CTNNA3: variants seen among roughly 807,000 people sequenced by gnomAD.
The protein encoded by CTNNA3 is catenin alpha-3.
In CTNNA3, 76 loss-of-function variants were observed where a neutral mutation model predicts 95.7. The ratio of observed to expected loss-of-function variants is 0.79; its 90% CI spans 0.66 to 0.96. CTNNA3 has a LOEUF of 0.96. Ranked by LOEUF, CTNNA3 falls within the 40% of genes least tolerant of loss-of-function variation. CTNNA3 has a pLI of 0.00. For missense variants in CTNNA3, 1,191 were observed against 1,089.8 expected, an observed-to-expected ratio of 1.09 and a Z score of -1.31; for synonymous variants, 431 against 374.4, an observed-to-expected ratio of 1.15 and a Z score of -1.74.
chr10:66,714,758 C>T lies in CTNNA3; in HGVS notation c.1281+51506G>A, dbSNP rs542953419. Among the ~76,000 whole-genome samples the T allele has an allele frequency of 1.1e-4, 16 of 152,252 alleles. No homozygotes were observed. In the East Asian group the frequency reaches 2.3e-3, roughly 22 times the overall value. ...GCCATCTGTGTTTCAACAAGCCCTCCAAGTGATTATCATGCATTTTAAAAT... is the reference window on the plus strand; with the variant it reads ...GCCATCTGTGTTTCAACAAGCCCTCTAAGTGATTATCATGCATTTTAAAAT... On this transcript the variant is annotated intron_variant, in intron 9 of 17. Transcript: ENST00000433211.
intron 15 of CTNNA3, among the ~76,000 whole-genome samples, chr10:66,053,880 G>C (rs1411881457): frequency 6.6e-6 from 1 of 151,816 alleles, no homozygotes; most frequent in Non-Finnish European, 1.5e-5. Context: ...CCAACTATAT[G>C]TTTGTACCCA....
intron 5 of CTNNA3, among the ~76,000 whole-genome samples, chr10:67,320,375 C>A (rs1354273218): frequency 6.6e-6 from 1 of 152,172 alleles, no homozygotes; most frequent in African/African-American, 2.4e-5. Context: ...TTACTGTTAA[C>A]TGAATCCTGT....
At chr10:66,320,919 C>T (rs1347045692) in intron 12 of CTNNA3, among the ~76,000 whole-genome samples, 6 of 151,898 alleles carry the variant, frequency 4.0e-5, no homozygotes, top group Non-Finnish European at 8.8e-5. Context: ...CAACAGCTTC[C>T]AAAATTTTGG....
At chr10:65,957,200 T>C (rs1230153596) in intron 17 of CTNNA3, among the ~76,000 whole-genome samples, 4 of 152,168 alleles carry the variant, frequency 2.6e-5, no homozygotes, top group Admixed American at 1.3e-4. Context: ...TATCAGAGAC[T>C]AGGATTGCAA....
At position 66,825,498 on chromosome 10, in the gene CTNNA3, G is replaced by A. The variant is rs562731212; in HGVS notation, c.1048-49974C>T. On this transcript the variant is annotated intron_variant, in intron 7 of 17. Transcript: ENST00000433211. The stretch of plus-strand genomic sequence containing the variant: ...GCTTTATGTTGGCCAGGCTGGTCTC[G>A]AACTCCTGACCTCAAGTGATCTACC... Among the ~76,000 whole-genome samples the A allele has an allele frequency of 3.2e-3, 482 of 151,644 alleles. 1 individual carries two copies. The highest frequency in any genetic ancestry group is 0.011 in the African/African-American group (448 of 41,338).
At chr10:67,268,465 G>A (rs1340979062) in intron 5 of CTNNA3, among the ~76,000 whole-genome samples, 1 of 152,038 alleles carries the variant, frequency 6.6e-6, no homozygotes, top group Non-Finnish European at 1.5e-5. Context: ...AGGCTGCAGG[G>A]AGCTATGATC....
chr10:66,104,461 A>G (rs941240824), intron 13 of CTNNA3, among the ~76,000 whole-genome samples: 3 of 152,130 alleles, frequency 2.0e-5, no homozygotes. Context: ...TTTTATTTCA[A>G]TAGCTTTGGG....
intron 13 of CTNNA3, among the ~76,000 whole-genome samples, chr10:66,244,987 G>A (rs1366562103): frequency 6.6e-6 from 1 of 152,140 alleles, no homozygotes; most frequent in African/African-American, 2.4e-5. Context: ...CCTCTGCCTG[G>A]TGGCGCCTTT....
At chr10:67,719,611 T>C (rs1201082172) in intron 1 of CTNNA3, among the ~76,000 whole-genome samples, 8 of 152,196 alleles carry the variant, frequency 5.3e-5, no homozygotes, top group African/African-American at 1.9e-4. Context: ...TGAGCGGTTT[T>C]GAGTGAGTTT....
At chr10:67,018,150 C>T (rs1852777413) in intron 7 of CTNNA3, among the ~76,000 whole-genome samples, 1 of 152,012 alleles carries the variant, frequency 6.6e-6, no homozygotes, top group Admixed American at 6.6e-5. Flanking sequence ...ACAGTAGGGC[C>T]AAGACTTTGT....
At chr10:66,442,568 AT>A (rs2093382817) in intron 11 of CTNNA3, among the ~76,000 whole-genome samples, 1 of 152,196 alleles carries the variant, frequency 6.6e-6, no homozygotes, top group South Asian at 2.1e-4. Context: ...TTTTTCTCAT[AT>A]TGTTTGCACC....
At chr10:67,642,575 G>A (rs554425433) in intron 2 of CTNNA3, among the ~76,000 whole-genome samples, 135 of 152,112 alleles carry the variant, frequency 8.9e-4, no homozygotes, top group African/African-American at 1.3e-3. Context: ...AAAATTAACC[G>A]GGTATGGTGG....
chr10:67,650,016 T>G (rs1461824304), intron 1 of CTNNA3, among the ~76,000 whole-genome samples: 1 of 152,150 alleles, frequency 6.6e-6, no homozygotes, highest in Non-Finnish European at 1.5e-5. Context: ...ATTTTGTATG[T>G]TTAGTAGAGA....
chr10:67,604,329 G>T (rs926202311), intron 3 of CTNNA3, among the ~76,000 whole-genome samples: 2 of 152,214 alleles, frequency 1.3e-5, no homozygotes, highest in Non-Finnish European at 2.9e-5. Context: ...TGCATCACAG[G>T]AAAGAGGTGC....
chr10:66,121,970 G>A (rs990396198), intron 13 of CTNNA3, among the ~76,000 whole-genome samples: 3 of 152,120 alleles, frequency 2.0e-5, no homozygotes, highest in Non-Finnish European at 2.9e-5. Context: ...ATATTGCTAT[G>A]GTTTTGTTAT....
chr10:67,056,804 C>T (rs1434774840), intron 7 of CTNNA3, among the ~76,000 whole-genome samples: 1 of 152,114 alleles, frequency 6.6e-6, no homozygotes, highest in Non-Finnish European at 1.5e-5. Flanking sequence ...CAGGATGAAA[C>T]AAAAGACAAA....
chr10:66,294,883 GGACAGAGA>G, intron 12 of CTNNA3, among the ~76,000 whole-genome samples: 1 of 118,564 alleles, frequency 8.4e-6, no homozygotes, highest in East Asian at 2.4e-4. Flanking sequence ...TAGACAGTCA[GGACAGAGA>G]GAGAGAGAGA....
At chr10:66,158,366 A>G (rs1006417574) in intron 13 of CTNNA3, among the ~76,000 whole-genome samples, 1 of 152,086 alleles carries the variant, frequency 6.6e-6, no homozygotes, top group Non-Finnish European at 1.5e-5. Flanking sequence ...ATTCTCCTAC[A>G]TGTGGCTAGC....
intron 12 of CTNNA3, among the ~76,000 whole-genome samples, chr10:66,292,015 T>C (rs1183748664): frequency 6.6e-6 from 1 of 151,620 alleles, no homozygotes; most frequent in Non-Finnish European, 1.5e-5. Context: ...TACAGATATA[T>C]ATACACATAC....
Sources: gnomAD v4.1 joint callset for allele counts (sites outside exome capture counted in the v4.1 genomes callset) on GRCh38, gnomAD v4.1.1 for gene constraint, MANE v1.5 for transcripts, NCBI Gene and HGNC (gene_info 2026-07-23, HGNC 2026-07-21) for gene names.